The following TMEM233 variants were observed in gnomAD, a reference collection of about 807,000 sequenced individuals.
TMEM233 encodes transmembrane protein 233.
TMEM233 carries 6 observed loss-of-function variants against 11.2 expected under a neutral mutation model. That is an observed-to-expected ratio of 0.54 (90% CI 0.29 to 1.06). TMEM233 has a LOEUF of 1.06. TMEM233 is among the 50% of genes least tolerant of loss of function. The pLI is 0.08. For missense variants in TMEM233, 127 were observed against 144.7 expected, an observed-to-expected ratio of 0.88 and a Z score of 0.63; for synonymous variants, 59 against 55.8, an observed-to-expected ratio of 1.06 and a Z score of -0.26.
At position 119,594,137 on chromosome 12, in the gene TMEM233, C is replaced by T. The variant is rs984736479; in HGVS notation, c.186+103C>T. The T allele has an allele frequency of 8.4e-7, 1 of 1,196,064 alleles. No individual in the cohort carries two copies. 74.1% of individuals were successfully genotyped at this position (1,196,064 alleles called of 1,614,324 possible). ...CTCTCTGCGGCTCCCTTCCTCACGG[C>T]CCGGCCCGCGCTAGGTGTTCTTTGT... is the stretch of plus-strand genomic sequence containing the variant. On this transcript the variant is annotated intron_variant, in intron 1 of 2. Coordinates refer to ENST00000426426, the MANE Select transcript of TMEM233 (RefSeq NM_001136534.3). This position sits in a 1 kb window ranked among gnomAD's most constrained non-coding sequence, Gnocchi z 5.6.
chr12:119,644,513 C>A (rs1295423624), downstream of TMEM233, among the ~76,000 whole-genome samples: 1 of 134,556 alleles, frequency 7.4e-6, no homozygotes. Context: ...GAGTTTCACT[C>A]ATTGCCCAGG....
Position 119,595,781 on chromosome 12 carries a change from C to A in TMEM233, c.186+1747C>A, listed in dbSNP as rs79905712. On this transcript the variant is annotated intron_variant, in intron 1 of 2. Coordinates refer to ENST00000426426, the MANE Select transcript of TMEM233 (RefSeq NM_001136534.3). This position sits in a 1 kb window ranked among gnomAD's most constrained non-coding sequence, Gnocchi z 4.3. ...AATCAGGACCCCCATCCACCCACCC[C>A]GCGCAAGCTCTGTTCTTCCTTCCCT... Among the ~76,000 whole-genome samples, 181 of 152,342 alleles carry A rather than the reference C, an allele frequency of 1.2e-3. No individual in the cohort carries two copies. Among genetic ancestry groups the A allele is most frequent in the African/African-American group, 4.2e-3 (176 of 41,584 alleles).
chr12:119,615,202 A>AAAAAAAAAAAAAAAAAAAC (rs1220198144), intron 1 of TMEM233, among the ~76,000 whole-genome samples: 1 of 110,366 alleles, frequency 9.1e-6, no homozygotes, highest in Non-Finnish European at 1.9e-5. Flanking sequence ...AAAAAAAAAA[A>AAAAAAAAAAAAAAAAAAAC]AAAACTGCCT....
At chr12:119,649,337 AAAG>A in the TMEM233 span, among the ~76,000 whole-genome samples, 3 of 152,240 alleles carry the variant, frequency 2.0e-5, no homozygotes, top group East Asian at 5.8e-4. Flanking sequence ...GGAGAAGAGA[AAAG>A]AAGAGAAAAA....
chr12:119,652,021 A>T, the TMEM233 span, among the ~76,000 whole-genome samples: 1 of 152,192 alleles, frequency 6.6e-6, no homozygotes, highest in Admixed American at 6.5e-5. Context: ...TAATCAGACT[A>T]CCAAAAAAAT....
the TMEM233 span, among the ~76,000 whole-genome samples, chr12:119,648,512 T>A: frequency 4.6e-5 from 7 of 152,192 alleles, no homozygotes; most frequent in Non-Finnish European, 1.0e-4. Flanking sequence ...TATGCCAACG[T>A]TTCAAGAACA....
Position 119,623,360 on chromosome 12 carries a change from G to A in TMEM233, c.187-6376G>A, listed in dbSNP as rs115063793. Among the ~76,000 whole-genome samples the A allele has an allele frequency of 1.9e-3, 288 of 152,238 alleles. 1 individual carries two copies. Among genetic ancestry groups the A allele is most frequent in the African/African-American group, 6.4e-3 (264 of 41,536 alleles). ...ACAATAGGTCGGTTTGGGAAGGTCT[G>A]AATTTATATAATTCTAAACTGGATT... On this transcript the variant is annotated intron_variant, in intron 1 of 2. Transcript: ENST00000426426.
At chr12:119,596,997 A>C (rs1000416348) in intron 1 of TMEM233, among the ~76,000 whole-genome samples, 1 of 152,178 alleles carries the variant, frequency 6.6e-6, no homozygotes, top group African/African-American at 2.4e-5. Flanking sequence ...AAAAACAAAC[A>C]GAAATTCTAA....
chr12:119,628,492 CTTTTTTTTTT>C (rs60789807), intron 1 of TMEM233, among the ~76,000 whole-genome samples: 3 of 52,412 alleles, frequency 5.7e-5, no homozygotes, highest in Non-Finnish European at 9.9e-5. Context: ...CCAGCTCACT[CTTTTTTTTTT>C]TTTTTTTTTT....
At chr12:119,650,576 C>T in the TMEM233 span, among the ~76,000 whole-genome samples, 3 of 152,124 alleles carry the variant, frequency 2.0e-5, no homozygotes, top group Non-Finnish European at 2.9e-5. Context: ...TGAACTTTTA[C>T]GGCCGATTTG....
At chr12:119,629,424 A>G (rs1472667902) in intron 1 of TMEM233, among the ~76,000 whole-genome samples, 2 of 151,890 alleles carry the variant, frequency 1.3e-5, no homozygotes, top group Non-Finnish European at 2.9e-5. Context: ...AAAAAAAGAA[A>G]AGATAAAAGA....
the TMEM233 span, among the ~76,000 whole-genome samples, chr12:119,649,704 G>T: frequency 2.0e-5 from 3 of 152,038 alleles, no homozygotes; most frequent in Non-Finnish European, 2.9e-5. Flanking sequence ...AAATGATGTA[G>T]ATTCAATTAG....
intron 1 of TMEM233, among the ~76,000 whole-genome samples, chr12:119,627,144 C>T (rs547204657): frequency 4.6e-4 from 70 of 152,310 alleles, no homozygotes; most frequent in African/African-American, 1.6e-3. Context: ...GAATGACAGC[C>T]GTGGCTTGGG....
At chr12:119,597,485 C>A (rs186451496) in intron 1 of TMEM233, among the ~76,000 whole-genome samples, 2 of 149,986 alleles carry the variant, frequency 1.3e-5, no homozygotes, top group African/African-American at 4.8e-5. Flanking sequence ...AAAAAAGAGC[C>A]AACAATCTCA....
intron 1 of TMEM233, among the ~76,000 whole-genome samples, chr12:119,596,785 G>A (rs879617385): frequency 9.2e-5 from 14 of 152,068 alleles, no homozygotes; most frequent in African/African-American, 2.4e-4. Flanking sequence ...GAGCCACTGC[G>A]CCCGGCCAAG....
At chr12:119,653,391 C>CAAAAAA in the TMEM233 span, among the ~76,000 whole-genome samples, 22 of 81,342 alleles carry the variant, frequency 2.7e-4, no homozygotes, top group South Asian at 4.8e-4. Context: ...GACGCCACCT[C>CAAAAAA]AAAAAAAAAA....
Position 119,593,797 on chromosome 12 carries a change from GACC to G in TMEM233, c.-49_-47del. On this transcript the variant is annotated 5_prime_UTR_variant, in exon 1 of 3. Coordinates refer to ENST00000426426, the MANE Select transcript of TMEM233 (RefSeq NM_001136534.3). This position sits in a 1 kb window ranked among gnomAD's most constrained non-coding sequence, Gnocchi z 4.1. Reference sequence around the variant, plus strand: ...CCACAAGCCGGCGGCCAGAGCCCCAGACCACACAGACCGTGCGCTCCTCCGCCC... The same window carrying G: ...CCACAAGCCGGCGGCCAGAGCCCCAGACACAGACCGTGCGCTCCTCCGCCC... The G allele has an allele frequency of 6.5e-7, 1 of 1,528,198 alleles. No individual in the cohort carries two copies. The highest frequency in any genetic ancestry group is 8.8e-7 in the Non-Finnish European group (1 of 1,132,640). 94.7% of individuals were successfully genotyped at this position (1,528,198 alleles called of 1,614,324 possible). A position where few individuals can be genotyped will look rare whatever the true frequency, so the allele number is the denominator to read the frequency against.
At chr12:119,649,191 G>C in the TMEM233 span, among the ~76,000 whole-genome samples, 2 of 152,158 alleles carry the variant, frequency 1.3e-5, no homozygotes, top group Non-Finnish European at 2.9e-5. Context: ...TCAGCTACTC[G>C]GGAAGCTGAG....
the TMEM233 span, among the ~76,000 whole-genome samples, chr12:119,651,832 A>G: frequency 2.0e-5 from 3 of 150,890 alleles, no homozygotes; most frequent in African/African-American, 4.9e-5. Flanking sequence ...TCTCAAAAAA[A>G]AAAAAAAAAA....
Sources: gnomAD v4.1 joint callset for allele counts (sites outside exome capture counted in the v4.1 genomes callset) on GRCh38, gnomAD v4.1.1 for gene constraint, Gnocchi (gnomAD v3.1) non-coding constraint, MANE v1.5 for transcripts, NCBI Gene and HGNC (gene_info 2026-07-23, HGNC 2026-07-21) for gene names.